DPF3: variants seen among roughly 807,000 people sequenced by gnomAD.
DPF3 encodes the protein double PHD fingers 3, also known as zinc finger protein DPF3.
In DPF3, 18 loss-of-function variants were observed where a neutral mutation model predicts 56.8. That is an observed-to-expected ratio of 0.32 (90% confidence interval 0.22 to 0.47). The LOEUF (loss-of-function observed/expected upper bound fraction) is 0.47. Ranked by LOEUF, DPF3 falls within the 20% of genes least tolerant of loss-of-function variation. The probability of loss-of-function intolerance (pLI) is 1.00; values close to 1 mark genes in which losing one functional copy is unlikely to be tolerated. For missense variants in DPF3, 403 were observed against 488.8 expected (o/e 0.82, Z 1.65); for synonymous variants, 188 against 180.2 (o/e 1.04, Z -0.35).
chr14:72,842,235 C>A (rs2140069694), intron 1 of DPF3, among the ~76,000 whole-genome samples: 1 of 152,262 alleles, frequency 6.6e-6, no homozygotes, highest in Middle Eastern at 3.4e-3. Flanking sequence ...AGTAACTCCC[C>A]TGCAAGGTGT....
At chr14:72,751,836 G>C (rs1890587691) in intron 3 of DPF3, among the ~76,000 whole-genome samples, 1 of 151,934 alleles carries the variant, frequency 6.6e-6, no homozygotes, top group African/African-American at 2.4e-5. Flanking sequence ...ATTGCATCAT[G>C]CTGTCTAGGA....
At chr14:72,862,388 T>G (rs1320279343) in intron 1 of DPF3, among the ~76,000 whole-genome samples, 1 of 152,168 alleles carries the variant, frequency 6.6e-6, no homozygotes, top group African/African-American at 2.4e-5. Context: ...GATGCCTCTC[T>G]TGTTGTCACA....
At chr14:72,672,038 CACACACACACACACACACACAG>C (rs1386447629) in intron 8 of DPF3, among the ~76,000 whole-genome samples, 5 of 112,212 alleles carry the variant, frequency 4.5e-5, no homozygotes, top group African/African-American at 1.5e-4. Flanking sequence ...ACCACACACA[CACACACACACACACACACACAG>C]ACACACACAC....
chr14:72,745,788 G>A (rs757669694), intron 3 of DPF3, among the ~76,000 whole-genome samples: 4 of 152,192 alleles, frequency 2.6e-5, no homozygotes, highest in East Asian at 1.9e-4. Flanking sequence ...CACGCGCGAA[G>A]TATCAGCCAA....
chr14:72,746,817 T>G (rs990039967), intron 3 of DPF3, among the ~76,000 whole-genome samples: 2 of 152,208 alleles, frequency 1.3e-5, no homozygotes, highest in African/African-American at 2.4e-5. Context: ...TCTCAAATGA[T>G]CACAGATACA....
intron 3 of DPF3, among the ~76,000 whole-genome samples, chr14:72,751,312 T>G (rs1033512432): frequency 2.0e-5 from 3 of 152,268 alleles, no homozygotes; most frequent in Non-Finnish European, 4.4e-5. Context: ...TTGGTACTTA[T>G]GGTCATGTCA....
chr14:72,836,631 G>C (rs1884308905), intron 1 of DPF3: 1 of 679,272 alleles, frequency 1.5e-6, no homozygotes, highest in African/African-American at 2.0e-5. Flanking sequence ...CCTACCCAGT[G>C]CTTAGGAGCC....
intron 1 of DPF3, among the ~76,000 whole-genome samples, chr14:72,878,172 C>T (rs895498314): frequency 2.0e-5 from 3 of 152,182 alleles, no homozygotes; most frequent in Non-Finnish European, 4.4e-5. Context: ...CTTGGGACTT[C>T]CTCTTCCTCC....
intron 6 of DPF3, among the ~76,000 whole-genome samples, chr14:72,702,254 A>T (rs2153574230): frequency 1.4e-5 from 2 of 146,962 alleles, no homozygotes; most frequent in East Asian, 4.5e-4. Flanking sequence ...AGAAGGAGGC[A>T]CCAGCAGGAG....
chr14:72,698,106 T>C (rs980291017), intron 6 of DPF3, among the ~76,000 whole-genome samples: 1 of 152,218 alleles, frequency 6.6e-6, no homozygotes, highest in Non-Finnish European at 1.5e-5. Context: ...GGGAAGTCTT[T>C]CAAATCAAAA....
intron 8 of DPF3, among the ~76,000 whole-genome samples, chr14:72,665,348 T>A (rs1886398999): frequency 6.6e-6 from 1 of 152,244 alleles, no homozygotes; most frequent in Non-Finnish European, 1.5e-5. Context: ...CAGTCCCTAG[T>A]TGCCAAATGA....
chr14:72,675,117 C>T (rs985073739), intron 7 of DPF3, among the ~76,000 whole-genome samples: 2 of 152,162 alleles, frequency 1.3e-5, no homozygotes, highest in Non-Finnish European at 1.5e-5. Flanking sequence ...AAGACCGTCA[C>T]GAATAACTGA....
chr14:72,857,680 G>T (rs1193782087), intron 1 of DPF3, among the ~76,000 whole-genome samples: 4 of 152,034 alleles, frequency 2.6e-5, no homozygotes, highest in Non-Finnish European at 2.9e-5. Flanking sequence ...TCCGCCTCCT[G>T]GGTTCAAGCA....
At position 72,714,448 on chromosome 14, in the gene DPF3, G is replaced by T; in HGVS notation, c.579C>A (p.Asp193Glu). ...RRRHDAASQE[D>E]HDKPYVCDIC... ...TGTCACAGACGTAAGGTTTGTCGTG[G>T]TCTTCCTGAGAGGCGGCGTCGTGCC... The change falls in exon 6 of 11, where the codon GAC (aspartate) becomes GAA (glutamate). Residue 193 changes from aspartate (D) to glutamate (E), a missense_variant. Physicochemically the swap from Asp to Glu is conservative, Grantham distance 45. Coordinates refer to ENST00000556509, the MANE Select transcript of DPF3 (RefSeq NM_001280542.3). The T allele has an allele frequency of 6.2e-7, 1 of 1,613,900 alleles. No individual in the cohort carries two copies. Among genetic ancestry groups the T allele is most frequent in the Non-Finnish European group, 8.5e-7 (1 of 1,179,818 alleles).
At chr14:72,855,666 C>A (rs1043992619) in intron 1 of DPF3, among the ~76,000 whole-genome samples, 1 of 151,924 alleles carries the variant, frequency 6.6e-6, no homozygotes, top group African/African-American at 2.4e-5. Context: ...TATAGGGAGC[C>A]TTTTAACCAA....
intron 1 of DPF3, among the ~76,000 whole-genome samples, chr14:72,838,905 A>ATATATATATTTT: frequency 3.1e-5 from 2 of 64,480 alleles, no homozygotes; most frequent in Non-Finnish European, 5.5e-5. Context: ...TATCATATAT[A>ATATATATATTTT]TTCTTTTTTT....
intron 1 of DPF3, among the ~76,000 whole-genome samples, chr14:72,829,617 C>G (rs1883967795): frequency 1.3e-5 from 2 of 152,156 alleles, no homozygotes; most frequent in Non-Finnish European, 2.9e-5. Flanking sequence ...AACTCCTGAC[C>G]TTGTGATCTG....
At chr14:72,746,112 C>T (rs1422717940) in intron 3 of DPF3, among the ~76,000 whole-genome samples, 2 of 152,236 alleles carry the variant, frequency 1.3e-5, no homozygotes, top group Non-Finnish European at 2.9e-5. Context: ...GGGGGCACCA[C>T]CCTCCACTTT....
intron 1 of DPF3, among the ~76,000 whole-genome samples, chr14:72,785,086 T>C (rs1280928884): frequency 6.6e-6 from 1 of 151,884 alleles, no homozygotes; most frequent in Non-Finnish European, 1.5e-5. Flanking sequence ...AGGAGTTGAA[T>C]ACCAGCCTGG....
Sources: allele counts gnomAD v4.1 joint callset (sites outside exome capture counted in the v4.1 genomes callset), GRCh38; gene constraint gnomAD v4.1.1; transcripts MANE v1.5; gene names NCBI Gene and HGNC (gene_info 2026-07-23, HGNC 2026-07-21).